ADAMTSL1: variants seen among roughly 807,000 people sequenced by gnomAD.
ADAMTSL1 encodes ADAMTS like 1, also known as ADAMTS-like protein 1.
In ADAMTSL1, 126 loss-of-function variants were observed where a neutral mutation model predicts 201.8. The ratio of observed to expected loss-of-function variants is 0.62; its 90% CI spans 0.54 to 0.72. The LOEUF is 0.72. Among genes scored for constraint, ADAMTSL1 ranks in the 30% least tolerant of loss-of-function variants. The probability of loss-of-function intolerance (pLI) is 0.00; values close to 1 mark genes in which losing one functional copy is unlikely to be tolerated. For synonymous variants in ADAMTSL1, 1,121 were observed against 903.4 expected (o/e 1.24, Z -4.32); for missense variants, 2,679 against 2,277.8 (o/e 1.18, Z -3.59).
intron 13 of ADAMTSL1, among the ~76,000 whole-genome samples, chr9:18,704,213 A>G (rs753617638): frequency 3.3e-5 from 5 of 152,198 alleles, no homozygotes; most frequent in Non-Finnish European, 4.4e-5. Context: ...ATTTGTTTAC[A>G]TATTTCATTC....
At chr9:18,542,536 T>C (rs180733872) in intron 3 of ADAMTSL1, among the ~76,000 whole-genome samples, 55 of 152,264 alleles carry the variant, frequency 3.6e-4, no homozygotes, top group Admixed American at 3.3e-3. Flanking sequence ...CTGGTGGTCT[T>C]TAAAGAAGAT....
At chr9:17,947,943 C>G (rs1216843591) in intron 1 of ADAMTSL1, among the ~76,000 whole-genome samples, 2 of 152,144 alleles carry the variant, frequency 1.3e-5, no homozygotes, top group Admixed American at 1.3e-4. Flanking sequence ...CCAAAAACAA[C>G]TACCAATTTT....
At chr9:18,345,022 G>A (rs1330408077) in intron 2 of ADAMTSL1, among the ~76,000 whole-genome samples, 1 of 152,068 alleles carries the variant, frequency 6.6e-6, no homozygotes, top group African/African-American at 2.4e-5. Context: ...CATGAGAGTG[G>A]CCAGGTGACT....
intron 20 of ADAMTSL1, 80 bp downstream of exon 20, chr9:18,795,604 G>A: frequency 6.9e-7 from 1 of 1,440,070 alleles, no homozygotes. Flanking sequence ...CAGGCCCAGA[G>A]ATGCATAGAT....
intron 12 of ADAMTSL1, 70 bp from the exon 13 acceptor site, chr9:18,684,646 A>G: frequency 6.6e-7 from 1 of 1,514,242 alleles, no homozygotes; most frequent in Non-Finnish European, 8.9e-7. Context: ...TGAGGAGAAT[A>G]AGGAATTTTC....
intron 2 of ADAMTSL1, among the ~76,000 whole-genome samples, chr9:18,527,797 TCTGA>T (rs1386368717): frequency 9.9e-5 from 15 of 152,184 alleles, no homozygotes; most frequent in Non-Finnish European, 1.8e-4. Context: ...TAAATCAAAA[TCTGA>T]CTGGGCAGGA....
At chr9:18,047,661 C>G (rs983398432) in intron 1 of ADAMTSL1, among the ~76,000 whole-genome samples, 3 of 152,022 alleles carry the variant, frequency 2.0e-5, no homozygotes, top group Admixed American at 6.6e-5. Flanking sequence ...CGTTTTAGAA[C>G]CTGTAAACTG....
chr9:18,871,708 C>T (rs1398837799), intron 23 of ADAMTSL1, among the ~76,000 whole-genome samples: 1 of 152,176 alleles, frequency 6.6e-6, no homozygotes, highest in Non-Finnish European at 1.5e-5. Context: ...TGGTCTCACT[C>T]GTGTTCCAAA....
chr9:18,302,511 C>G (rs1833745413), intron 2 of ADAMTSL1, among the ~76,000 whole-genome samples: 2 of 152,118 alleles, frequency 1.3e-5, no homozygotes, highest in Admixed American at 1.3e-4. Context: ...TAGCTCTTGC[C>G]TCTATATCAA....
intron 1 of ADAMTSL1, among the ~76,000 whole-genome samples, chr9:17,935,806 C>T (rs969278826): frequency 1.3e-5 from 2 of 152,180 alleles, no homozygotes; most frequent in Non-Finnish European, 2.9e-5. Context: ...CTGGTCTCAA[C>T]TTCTGCTTTT....
Position 18,853,174 on chromosome 9 carries a change from C to T in ADAMTSL1, c.4249+23197C>T, listed in dbSNP as rs371648646. Reference sequence around the variant, plus strand: ...ACCTAAACAACAGATGGGGATTAGACAGGCCAAGACAGGAACATAGGTGAG... The same window carrying T: ...ACCTAAACAACAGATGGGGATTAGATAGGCCAAGACAGGAACATAGGTGAG... On this transcript the variant is annotated intron_variant, in intron 23 of 28. Transcript: ENST00000380548. Among the ~76,000 whole-genome samples the T allele has an allele frequency of 1.5e-4, 23 of 152,296 alleles. No individual in the cohort carries two copies. The East Asian group carries it at 4.2e-3, about 28-fold the overall frequency.
In ADAMTSL1 at chr9:18,232,375, T is replaced by C. The variant is rs74783447; in HGVS notation, c.207+68394T>C. ...TTGGTAAGGTACTCTTTGACTGCCATATTCAAATTATAACTTCCCATCCTG... is the reference window on the plus strand; with the variant it reads ...TTGGTAAGGTACTCTTTGACTGCCACATTCAAATTATAACTTCCCATCCTG... On this transcript the variant is annotated intron_variant, in intron 2 of 29. Transcript: ENST00000680146. 8.9e-3 allele frequency among the ~76,000 whole-genome samples: 1,358 copies of C among 152,304 alleles called. 32 individuals are homozygous for C. The highest frequency in any genetic ancestry group is 0.031 in the African/African-American group (1,278 of 41,568).
chr9:18,003,794 G>C (rs1210734018), intron 1 of ADAMTSL1, among the ~76,000 whole-genome samples: 1 of 152,040 alleles, frequency 6.6e-6, no homozygotes, highest in African/African-American at 2.4e-5. Context: ...CTTCTGTGCA[G>C]TCCAGCCTTA....
At chr9:18,132,680 G>A (rs916504921) in intron 1 of ADAMTSL1, among the ~76,000 whole-genome samples, 1 of 151,970 alleles carries the variant, frequency 6.6e-6, no homozygotes, top group African/African-American at 2.4e-5. Flanking sequence ...ATGTTACTTT[G>A]AGCTTTATCT....
chr9:18,696,628 G>A (rs1251440723), intron 13 of ADAMTSL1, among the ~76,000 whole-genome samples: 2 of 152,060 alleles, frequency 1.3e-5, no homozygotes, highest in Non-Finnish European at 2.9e-5. Flanking sequence ...CAGTGATCAA[G>A]GTATGCGTGG....
chr9:18,428,275 A>G (rs115123969), intron 2 of ADAMTSL1, among the ~76,000 whole-genome samples: 4 of 152,210 alleles, frequency 2.6e-5, no homozygotes, highest in African/African-American at 9.6e-5. Context: ...AAAGAAAAGA[A>G]ATTATACAGA....
At chr9:18,372,232 C>T (rs1837076266) in intron 2 of ADAMTSL1, among the ~76,000 whole-genome samples, 1 of 152,138 alleles carries the variant, frequency 6.6e-6, no homozygotes, top group Non-Finnish European at 1.5e-5. Context: ...AAATGCAGCT[C>T]TCAGGTCTAG....
intron 4 of ADAMTSL1, among the ~76,000 whole-genome samples, chr9:18,599,996 C>CAAAAAAAAAAAA (rs57914274): frequency 1.8e-4 from 16 of 86,910 alleles, no homozygotes; most frequent in Middle Eastern, 6.3e-3. Flanking sequence ...ACTAAAAATA[C>CAAAAAAAAAAAA]AAAAAAAAAA....
intron 2 of ADAMTSL1, among the ~76,000 whole-genome samples, chr9:18,298,076 G>C (rs2383066): frequency 0.05 from 7,668 of 152,284 alleles, 264 homozygotes; most frequent in Non-Finnish European, 0.073. Flanking sequence ...ATTGGAATCT[G>C]CCACAACCAG....
Sources: gnomAD v4.1 joint callset for allele counts (sites outside exome capture counted in the v4.1 genomes callset) on GRCh38, gnomAD v4.1.1 for gene constraint, MANE v1.5 for transcripts, NCBI Gene and HGNC (gene_info 2026-07-23, HGNC 2026-07-21) for gene names.